LHFPL2: variants seen among roughly 807,000 people sequenced by gnomAD.
The protein encoded by LHFPL2 is LHFPL tetraspan subfamily member 2 protein.
In LHFPL2, 7 loss-of-function variants were observed where a neutral mutation model predicts 17.5. The ratio of observed to expected loss-of-function variants is 0.40; its 90% CI spans 0.23 to 0.75. LHFPL2 has a LOEUF of 0.75. Among genes scored for constraint, LHFPL2 ranks in the 30% least tolerant of loss-of-function variants. The pLI, the probability that LHFPL2 is intolerant of heterozygous loss-of-function variation, is 0.37. For synonymous variants in LHFPL2, 134 were observed against 116.2 expected (o/e 1.15, Z -0.99); for missense variants, 241 against 294.8 (o/e 0.82, Z 1.34).
At chr5:78,572,431 TATGTATGTATGTGTATATATATGTATG>T (rs1277814286) in intron 2 of LHFPL2, among the ~76,000 whole-genome samples, 1 of 151,360 alleles carries the variant, frequency 6.6e-6, no homozygotes, top group Non-Finnish European at 1.5e-5. Flanking sequence ...CATATATATA[TATGTATGTATGTGTATATATATGTATG>T]TGTATATACA....
chr5:78,585,884 C>T (rs1441138439), intron 2 of LHFPL2, among the ~76,000 whole-genome samples: 2 of 152,150 alleles, frequency 1.3e-5, no homozygotes, highest in Non-Finnish European at 2.9e-5. Context: ...AAGGAGCCTG[C>T]CCGAGGTCCT....
At chr5:78,511,856 T>C (rs1242448346) in intron 3 of LHFPL2, among the ~76,000 whole-genome samples, 1 of 152,136 alleles carries the variant, frequency 6.6e-6, no homozygotes, top group Non-Finnish European at 1.5e-5. Context: ...ATGCACTTAA[T>C]TGTCAGGGTG....
At position 78,548,079 on chromosome 5, in the gene LHFPL2, G is replaced by C. The variant is rs571922885; in HGVS notation, c.-186+16734C>G. Among the ~76,000 whole-genome samples, 47 of 152,358 alleles carry C rather than the reference G, an allele frequency of 3.1e-4. No individual in the cohort carries two copies. In the South Asian group the frequency reaches 6.8e-3, roughly 22 times the overall value. On this transcript the variant is annotated intron_variant, in intron 3 of 4. Transcript: ENST00000380345. ...GGAGGAAGAGCCTTCATGACCAAGT[G>C]GGTCTTTTCCAGCTCCAGCTCCCAT...
In LHFPL2 at chr5:78,488,853, T is replaced by TC; in HGVS notation, c.*43dup. The TC allele has an allele frequency of 6.2e-7, 1 of 1,603,432 alleles. No individual in the cohort carries two copies. Among genetic ancestry groups the TC allele is most frequent in the African/African-American group, 1.3e-5 (1 of 74,868 alleles). ...TCAAATGATGAAACTGTGGACTGTT[T>TC]CACAAGATTACTCAAGGGAGAAAAT... is the stretch of plus-strand genomic sequence containing the variant. On this transcript the variant is annotated 3_prime_UTR_variant, in exon 5 of 5. Coordinates refer to ENST00000380345, the MANE Select transcript of LHFPL2 (RefSeq NM_005779.3).
chr5:78,641,926 C>CACACACACACACACAT (rs1745678033), intron 1 of LHFPL2: 1 of 151,660 alleles, frequency 6.6e-6, no homozygotes, highest in African/African-American at 2.4e-5. Flanking sequence ...CACACACACA[C>CACACACACACACACAT]ACACACACAC....
chr5:78,492,926 C>T (rs1754494334), intron 4 of LHFPL2, among the ~76,000 whole-genome samples: 1 of 152,148 alleles, frequency 6.6e-6, no homozygotes, highest in Non-Finnish European at 1.5e-5. Flanking sequence ...CCACTGTCCA[C>T]TCTGCCCTGA....
At chr5:78,538,999 T>C (rs116186375) in intron 3 of LHFPL2, among the ~76,000 whole-genome samples, 2,376 of 152,310 alleles carry the variant, frequency 0.016, 66 homozygotes, top group African/African-American at 0.054. Flanking sequence ...GGCAAGGCAC[T>C]TGACACCTGC....
intron 2 of LHFPL2, among the ~76,000 whole-genome samples, chr5:78,600,476 C>T (rs2112472274): frequency 6.6e-6 from 1 of 152,264 alleles, no homozygotes; most frequent in Admixed American, 6.5e-5. Flanking sequence ...CACCTGTAAT[C>T]CCAGCACTTT....
intron 3 of LHFPL2, among the ~76,000 whole-genome samples, chr5:78,537,556 T>C (rs1398758522): frequency 2.0e-5 from 3 of 152,182 alleles, no homozygotes; most frequent in African/African-American, 2.4e-5. Context: ...GAACAGCTCT[T>C]AGTGAATGGA....
At chr5:78,560,393 G>C (rs974611046) in intron 3 of LHFPL2, among the ~76,000 whole-genome samples, 1 of 152,258 alleles carries the variant, frequency 6.6e-6, no homozygotes, top group African/African-American at 2.4e-5. Flanking sequence ...TAAGAAGACA[G>C]TGCTGAATCA....
chr5:78,588,370 TA>T (rs1368154881), intron 2 of LHFPL2, among the ~76,000 whole-genome samples: 2 of 152,168 alleles, frequency 1.3e-5, no homozygotes, highest in African/African-American at 2.4e-5. Context: ...AACATTTCTT[TA>T]AAAAAATTTC....
chr5:78,637,552 C>A (rs905224760), intron 1 of LHFPL2, among the ~76,000 whole-genome samples: 17 of 152,234 alleles, frequency 1.1e-4, no homozygotes, highest in Non-Finnish European at 1.9e-4. Context: ...GCAGTCTCAT[C>A]CTGATAGAGG....
At chr5:78,532,078 C>T (rs1755800502) in intron 3 of LHFPL2, among the ~76,000 whole-genome samples, 1 of 152,126 alleles carries the variant, frequency 6.6e-6, no homozygotes, top group Non-Finnish European at 1.5e-5. Flanking sequence ...GCACGTGCCA[C>T]CACACCCAGC....
At chr5:78,604,572 AAAG>A (rs1353209681) in intron 2 of LHFPL2, among the ~76,000 whole-genome samples, 2 of 152,242 alleles carry the variant, frequency 1.3e-5, no homozygotes, top group Non-Finnish European at 2.9e-5. Context: ...TGAAACTAAT[AAAG>A]AAGCCCAAAC....
chr5:78,641,283 T>C (rs955948887), intron 1 of LHFPL2, among the ~76,000 whole-genome samples: 1 of 152,248 alleles, frequency 6.6e-6, no homozygotes, highest in Admixed American at 6.5e-5. Context: ...TACATCAACC[T>C]GGGCTACTAT....
intron 3 of LHFPL2, among the ~76,000 whole-genome samples, chr5:78,532,795 T>C (rs1341224629): frequency 6.6e-6 from 1 of 151,386 alleles, no homozygotes; most frequent in Non-Finnish European, 1.5e-5. Context: ...AATTCTAGGG[T>C]CAGTTTACTA....
At chr5:78,548,174 C>G (rs1561333612) in intron 3 of LHFPL2, among the ~76,000 whole-genome samples, 1 of 152,240 alleles carries the variant, frequency 6.6e-6, no homozygotes, top group African/African-American at 2.4e-5. Flanking sequence ...CTGTCACGAT[C>G]CTTGGCTCTG....
chr5:78,496,768 G>A (rs1361381140), intron 4 of LHFPL2, among the ~76,000 whole-genome samples: 1 of 152,210 alleles, frequency 6.6e-6, no homozygotes, highest in Non-Finnish European at 1.5e-5. Flanking sequence ...ATCAGCCAGT[G>A]CTCTGCCTCC....
intron 3 of LHFPL2, among the ~76,000 whole-genome samples, chr5:78,563,823 G>A (rs12697888): frequency 0.39 from 59,511 of 151,546 alleles, 12,061 homozygotes; most frequent in Middle Eastern, 0.49. Flanking sequence ...AAATAATTTC[G>A]TAACACACAA....
Sources: gnomAD v4.1 joint callset for allele counts (sites outside exome capture counted in the v4.1 genomes callset) on GRCh38, gnomAD v4.1.1 for gene constraint, MANE v1.5 for transcripts, NCBI Gene and HGNC (gene_info 2026-07-23, HGNC 2026-07-21) for gene names.